The following MBD5 variants were observed in gnomAD, a reference collection of about 807,000 sequenced individuals.
MBD5 encodes methyl-CpG-binding domain protein 5.
MBD5 carries 13 observed loss-of-function variants against 117.3 expected under a neutral mutation model. The ratio of observed to expected loss-of-function variants is 0.11; its 90% CI spans 0.07 to 0.18. The LOEUF (loss-of-function observed/expected upper bound fraction) is 0.18, where lower values mean the gene tolerates loss of function less well. Among genes scored for constraint, MBD5 ranks in the 10% least tolerant of loss-of-function variants. MBD5 has a pLI of 1.00. For missense variants in MBD5, 1,879 were observed against 2,093.8 expected (o/e 0.90, Z 2.00); for synonymous variants, 727 against 766.4 (o/e 0.95, Z 0.85).
intron 3 of MBD5, among the ~76,000 whole-genome samples, chr2:148,259,239 C>T (rs1259888734): frequency 6.6e-6 from 1 of 152,170 alleles, no homozygotes; most frequent in Non-Finnish European, 1.5e-5. Context: ...GCCCGCTCAC[C>T]TGCAACCAAC....
At chr2:148,274,247 T>C (rs1192131192) in intron 3 of MBD5, among the ~76,000 whole-genome samples, 1 of 152,070 alleles carries the variant, frequency 6.6e-6, no homozygotes, top group Non-Finnish European at 1.5e-5. Context: ...TTTTAAATTA[T>C]ACTCTAAGTT....
chr2:148,130,176 A>G (rs1350526407), intron 1 of MBD5, among the ~76,000 whole-genome samples: 1 of 152,236 alleles, frequency 6.6e-6, no homozygotes, highest in Non-Finnish European at 1.5e-5. Flanking sequence ...GACTATAACT[A>G]TCATCATTAT....
Position 148,292,528 on chromosome 2 carries a change from C to T in MBD5, c.-679-49686C>T, listed in dbSNP as rs1034510600. On this transcript the variant is annotated intron_variant, in intron 3 of 13. Transcript: ENST00000642680. ...GAGACTACAATGAGATATCCTCTCA[C>T]CCCAATTAAAATGACTTATATCCAA... Among the ~76,000 whole-genome samples, 6 of 152,236 alleles carry T rather than the reference C, an allele frequency of 3.9e-5. No individual in the cohort carries two copies. In the East Asian group the frequency reaches 1.2e-3, roughly 29 times the overall value.
intron 4 of MBD5, among the ~76,000 whole-genome samples, chr2:148,401,275 A>G (rs577298744): frequency 3.1e-4 from 47 of 152,206 alleles, no homozygotes; most frequent in Admixed American, 6.5e-4. Flanking sequence ...AATTCCTTCA[A>G]GAAATCTTGC....
chr2:148,293,851 G>A (rs535686888), intron 3 of MBD5, among the ~76,000 whole-genome samples: 1 of 152,234 alleles, frequency 6.6e-6, no homozygotes, highest in East Asian at 1.9e-4. Flanking sequence ...TTTGTCACAT[G>A]CTTATTCTGT....
intron 10 of MBD5, among the ~76,000 whole-genome samples, chr2:148,488,363 G>A (rs1237478187): frequency 1.3e-5 from 2 of 152,104 alleles, no homozygotes; most frequent in Non-Finnish European, 2.9e-5. Context: ...AGGATTGATG[G>A]GCAGCAATAA....
At chr2:148,305,148 C>T (rs1382861499) in intron 3 of MBD5, among the ~76,000 whole-genome samples, 1 of 152,054 alleles carries the variant, frequency 6.6e-6, no homozygotes, top group Non-Finnish European at 1.5e-5. Context: ...ACTGATCCAG[C>T]AGGATACTTG....
chr2:148,277,192 G>T (rs957277917), intron 3 of MBD5, among the ~76,000 whole-genome samples: 1 of 152,112 alleles, frequency 6.6e-6, no homozygotes, highest in African/African-American at 2.4e-5. Flanking sequence ...GTGAGACATG[G>T]TAAGAAGTTA....
chr2:148,516,633 A>G lies in MBD5; in HGVS notation c.*3692A>G, dbSNP rs1327106133. On this transcript the variant is annotated 3_prime_UTR_variant, in exon 14 of 14. Transcript: ENST00000642680. The stretch of plus-strand genomic sequence containing the variant: ...GAAGTGAATATTAAATCAGTGAGCC[A>G]AAAAGCAATAAACAACTCGAGCATG... 6.6e-6 allele frequency: 1 copy of G among 152,254 alleles called. No homozygotes were observed. Among genetic ancestry groups the G allele is most frequent in the African/African-American group, 2.4e-5 (1 of 41,474 alleles). The allele number at this position is 152,254 out of a possible 1,614,324, so 9.4% of individuals were successfully genotyped here. A position where few individuals can be genotyped will look rare whatever the true frequency, so the allele number is the denominator to read the frequency against.
intron 1 of MBD5, among the ~76,000 whole-genome samples, chr2:148,083,183 C>A (rs1558918285): frequency 6.6e-6 from 1 of 152,182 alleles, no homozygotes; most frequent in Admixed American, 6.5e-5. Context: ...TCCAATATTT[C>A]TGCTATATAA....
intron 2 of MBD5, among the ~76,000 whole-genome samples, chr2:148,202,109 G>A (rs1699159866): frequency 6.6e-6 from 1 of 152,198 alleles, no homozygotes; most frequent in Non-Finnish European, 1.5e-5. Flanking sequence ...CTATCACTAG[G>A]AGCTGGCATA....
At chr2:148,477,083 A>G (rs948456168) in intron 8 of MBD5, among the ~76,000 whole-genome samples, 6 of 152,144 alleles carry the variant, frequency 3.9e-5, no homozygotes, top group African/African-American at 1.2e-4. Flanking sequence ...TTTCAGAGTA[A>G]CTATATGTGT....
chr2:148,332,418 A>C (rs1702682479), intron 3 of MBD5, among the ~76,000 whole-genome samples: 1 of 152,204 alleles, frequency 6.6e-6, no homozygotes, highest in African/African-American at 2.4e-5. Context: ...CACATAGTAC[A>C]GATCCCTTTT....
intron 1 of MBD5, among the ~76,000 whole-genome samples, chr2:148,037,097 C>T (rs940559669): frequency 5.9e-5 from 9 of 151,912 alleles, no homozygotes; most frequent in African/African-American, 1.9e-4. Flanking sequence ...TGAATTTTCT[C>T]TTCCAAAATA....
At chr2:148,428,253 A>G (rs561483537) in intron 4 of MBD5, among the ~76,000 whole-genome samples, 1 of 152,308 alleles carries the variant, frequency 6.6e-6, no homozygotes, top group South Asian at 2.1e-4. Flanking sequence ...CAATTGCTTC[A>G]AAGAGAATAA....
chr2:148,025,957 G>A (rs1367791665), intron 1 of MBD5: 1 of 152,144 alleles, frequency 6.6e-6, no homozygotes, highest in East Asian at 1.9e-4. Flanking sequence ...CTCAGTTCCT[G>A]TCATGGCTTT....
At chr2:148,167,434 G>T (rs768973164) in intron 1 of MBD5, among the ~76,000 whole-genome samples, 6 of 152,030 alleles carry the variant, frequency 3.9e-5, no homozygotes, top group Admixed American at 1.3e-4. Flanking sequence ...CTAGTGATTT[G>T]TTCTGTTGAA....
chr2:148,374,229 A>G (rs1206001963), intron 4 of MBD5, among the ~76,000 whole-genome samples: 1 of 144,758 alleles, frequency 6.9e-6, no homozygotes, highest in African/African-American at 2.8e-5. Context: ...CAAACTAAAT[A>G]TGTTTATGCA....
chr2:148,374,524 G>T (rs1454717038), intron 4 of MBD5, among the ~76,000 whole-genome samples: 6 of 152,218 alleles, frequency 3.9e-5, no homozygotes, highest in African/African-American at 1.4e-4. Flanking sequence ...CTTATTGAAT[G>T]CTTTCTAAGT....
Sources: allele counts gnomAD v4.1 joint callset (sites outside exome capture counted in the v4.1 genomes callset), GRCh38; gene constraint gnomAD v4.1.1; transcripts MANE v1.5; gene names NCBI Gene and HGNC (gene_info 2026-07-23, HGNC 2026-07-21).